UGT1A10: variants seen among roughly 807,000 people sequenced by gnomAD.
The protein encoded by UGT1A10 is UDP-glucuronosyltransferase 1A10.
In UGT1A10, 49 loss-of-function variants were observed where a neutral mutation model predicts 45.8. The observed-to-expected ratio is 1.07, with a 90% CI of 0.85 to 1.36. The LOEUF (loss-of-function observed/expected upper bound fraction) is 1.36, where lower values mean the gene tolerates loss of function less well. Ranked by LOEUF, UGT1A10 falls within the 40% of genes most tolerant of loss-of-function variation. UGT1A10 has a pLI of 0.00. For synonymous variants in UGT1A10, 284 were observed against 249.7 expected (o/e 1.14, Z -1.29); for missense variants, 745 against 668.6 (o/e 1.11, Z -1.26).
chr2:233,762,557 A>G (rs1283920878), intron 1 of UGT1A10, among the ~76,000 whole-genome samples: 3 of 152,170 alleles, frequency 2.0e-5, no homozygotes. Flanking sequence ...TCTGCTGGAG[A>G]TCTAGTCTAG....
At chr2:233,649,555 C>A (rs1258473586) in intron 1 of UGT1A10, among the ~76,000 whole-genome samples, 2 of 152,142 alleles carry the variant, frequency 1.3e-5, no homozygotes, top group Admixed American at 1.3e-4. Flanking sequence ...AACTATCAGG[C>A]TGGACATGTT....
chr2:233,733,516 A>G (rs1473701197), intron 1 of UGT1A10, among the ~76,000 whole-genome samples: 1 of 152,232 alleles, frequency 6.6e-6, no homozygotes, highest in East Asian at 1.9e-4. Context: ...TTTAGGCATG[A>G]AGGGATGTTT....
intron 1 of UGT1A10, chr2:233,648,773 T>C (rs2073667617): frequency 2.5e-6 from 2 of 798,980 alleles, no homozygotes; most frequent in South Asian, 1.5e-5. Context: ...CTGGATGCCA[T>C]GACTTTTAAG....
At chr2:233,761,638 C>T (rs769742430) in intron 1 of UGT1A10, among the ~76,000 whole-genome samples, 2 of 152,230 alleles carry the variant, frequency 1.3e-5, no homozygotes, top group African/African-American at 2.4e-5. Context: ...TCCTGCAGTC[C>T]GTTCTCTTCT....
At chr2:233,688,394 G>A (rs1649159658) in intron 1 of UGT1A10, among the ~76,000 whole-genome samples, 1 of 152,186 alleles carries the variant, frequency 6.6e-6, no homozygotes, top group African/African-American at 2.4e-5. Context: ...AAACCCTGAT[G>A]TTCTAATTTT....
intron 1 of UGT1A10, among the ~76,000 whole-genome samples, chr2:233,641,052 A>G (rs563755706): frequency 2.6e-5 from 4 of 152,246 alleles, no homozygotes; most frequent in African/African-American, 9.6e-5. Flanking sequence ...AAGTTATCTC[A>G]CTGCAACCTT....
intron 1 of UGT1A10, among the ~76,000 whole-genome samples, chr2:233,685,930 G>A (rs952791363): frequency 1.3e-5 from 2 of 152,056 alleles, no homozygotes; most frequent in Non-Finnish European, 2.9e-5. Flanking sequence ...TATCCTGATT[G>A]TCTCAAAAAA....
chr2:233,658,807 C>T (rs2125485612), intron 1 of UGT1A10, among the ~76,000 whole-genome samples: 1 of 152,286 alleles, frequency 6.6e-6, no homozygotes, highest in Middle Eastern at 3.4e-3. Flanking sequence ...TATTTCTGGA[C>T]TTTCTACTCT....
chr2:233,701,190 G>A (rs1433318718), intron 1 of UGT1A10, among the ~76,000 whole-genome samples: 3 of 152,170 alleles, frequency 2.0e-5, no homozygotes, highest in Non-Finnish European at 4.4e-5. Context: ...ACATGTGCAT[G>A]TGTCTTTATA....
intron 1 of UGT1A10, among the ~76,000 whole-genome samples, chr2:233,671,445 TAGG>T (rs2074188356): frequency 6.6e-6 from 1 of 152,088 alleles, no homozygotes; most frequent in African/African-American, 2.4e-5. Context: ...AGCCCCAATT[TAGG>T]AGGTTAGGAG....
At chr2:233,646,999 G>A (rs570626943) in intron 1 of UGT1A10, among the ~76,000 whole-genome samples, 2 of 152,334 alleles carry the variant, frequency 1.3e-5, no homozygotes, top group South Asian at 4.1e-4. Context: ...GTTCCACATG[G>A]CTGGGGAGGC....
At chr2:233,728,376 T>C (rs1983023) in intron 1 of UGT1A10, among the ~76,000 whole-genome samples, 69,101 of 151,732 alleles carry the variant, frequency 0.46, 17,142 homozygotes, top group African/African-American at 0.66. Context: ...ACCATGGGTC[T>C]TTGCTAGGGT....
chr2:233,668,231 G>A lies in UGT1A10; in HGVS notation c.855+30854G>A, dbSNP rs202206085. On this transcript the variant is annotated intron_variant, in intron 1 of 4. Coordinates refer to ENST00000344644, the MANE Select transcript of UGT1A10 (RefSeq NM_019075.4). ...TACCCCCACCTCTCGACAGGCCCCG[G>A]TGTGCGATATTCCCCGCCCTGTGTC... 1.7e-4 allele frequency among the ~76,000 whole-genome samples: 26 copies of A among 152,172 alleles called. No homozygotes were observed. In the East Asian group the frequency reaches 4.5e-3, roughly 26 times the overall value.
rs17854828 is a variant in UGT1A10, at chr2:233,637,215, C to A, written c.693C>A (p.Ala231=). 38 of 1,613,690 alleles carry A rather than the reference C, an allele frequency of 2.4e-5. No homozygotes were observed. Among genetic ancestry groups the A allele is most frequent in the Non-Finnish European group, 3.1e-5 (37 of 1,179,818 alleles). The change falls in exon 1 of 5, where the codon GCC becomes GCA. Residue 231 remains alanine, a synonymous_variant. Coordinates refer to ENST00000344644, the MANE Select transcript of UGT1A10 (RefSeq NM_019075.4). The part of the protein sequence containing the change: ...QYLFRNALEI[A]SEILQTPVTA... Reference sequence around the variant, plus strand: ...TTTTTAGAAATGCCCTAGAAATAGCCTCTGAAATTCTCCAAACCCCTGTCA... The same window carrying A: ...TTTTTAGAAATGCCCTAGAAATAGCATCTGAAATTCTCCAAACCCCTGTCA...
chr2:233,745,199 G>C (rs1446932556), intron 1 of UGT1A10, among the ~76,000 whole-genome samples: 2 of 151,776 alleles, frequency 1.3e-5, no homozygotes, highest in Non-Finnish European at 2.9e-5. Context: ...AAAACAACCA[G>C]GGAGATCCTC....
chr2:233,752,825 T>C (rs1254190294), intron 1 of UGT1A10, among the ~76,000 whole-genome samples: 1 of 152,218 alleles, frequency 6.6e-6, no homozygotes, highest in African/African-American at 2.4e-5. Context: ...ATTTATGACA[T>C]CAGTAATCTA....
chr2:233,734,221 A>G (rs1167860302), intron 1 of UGT1A10, among the ~76,000 whole-genome samples: 2 of 152,172 alleles, frequency 1.3e-5, no homozygotes, highest in Non-Finnish European at 2.9e-5. Flanking sequence ...TGGTCTATTC[A>G]GAGATTCAAC....
chr2:233,648,878 A>T (rs2073670237), intron 1 of UGT1A10: 1 of 1,278,364 alleles, frequency 7.8e-7, no homozygotes. Flanking sequence ...GAAATTCTCC[A>T]AACACCTGTC....
intron 1 of UGT1A10, among the ~76,000 whole-genome samples, chr2:233,724,297 C>T (rs2077212322): frequency 1.4e-5 from 2 of 146,124 alleles, no homozygotes; most frequent in South Asian, 2.4e-4. Context: ...GCTGACCCCC[C>T]CACCTCCCTC....
Sources: allele counts gnomAD v4.1 joint callset (sites outside exome capture counted in the v4.1 genomes callset), GRCh38; gene constraint gnomAD v4.1.1; transcripts MANE v1.5; gene names NCBI Gene and HGNC (gene_info 2026-07-23, HGNC 2026-07-21).